Variants in STRN observed in about 807,000 individuals in gnomAD.
The protein encoded by STRN is striatin.
Under a neutral mutation model 96.3 loss-of-function variants are expected in STRN, and 53 were observed. The observed-to-expected ratio is 0.55, with a 90% CI of 0.44 to 0.69. The LOEUF is 0.69. STRN is among the 30% of genes least tolerant of loss of function. The probability of loss-of-function intolerance (pLI) is 0.00; values close to 1 mark genes in which losing one functional copy is unlikely to be tolerated. For synonymous variants in STRN, 428 were observed against 355.9 expected (o/e 1.20, Z -2.28); for missense variants, 987 against 963.9 (o/e 1.02, Z -0.32).
chr2:36,890,929 A>G (rs1243835205), intron 7 of STRN, among the ~76,000 whole-genome samples: 1 of 152,238 alleles, frequency 6.6e-6, no homozygotes, highest in Admixed American at 6.5e-5. Flanking sequence ...AAGCTCCAAC[A>G]TAAAAGCAAA....
Position 36,906,044 on chromosome 2 carries a change from T to G in STRN, c.413-426A>C, listed in dbSNP as rs1433095574. Among the ~76,000 whole-genome samples the G allele has an allele frequency of 2.0e-5, 3 of 152,240 alleles. No individual in the cohort carries two copies. The South Asian group carries it at 6.2e-4, about 31-fold the overall frequency. Reference sequence around the variant, plus strand: ...ACTGGATTATTTGTAACACAAAGGATAAATGCTTCAGGGGATGGATACCCC... The same window carrying G: ...ACTGGATTATTTGTAACACAAAGGAGAAATGCTTCAGGGGATGGATACCCC... On this transcript the variant is annotated intron_variant, in intron 3 of 17. Transcript: ENST00000263918.
At chr2:36,955,622 C>T (rs866572369) in intron 1 of STRN, among the ~76,000 whole-genome samples, 22 of 152,158 alleles carry the variant, frequency 1.4e-4, no homozygotes, top group Non-Finnish European at 1.6e-4. Context: ...TTGCCTCAAG[C>T]GTCCTTTCTG....
chr2:36,946,168 A>AT (rs1330945632), intron 1 of STRN, among the ~76,000 whole-genome samples: 3 of 150,288 alleles, frequency 2.0e-5, no homozygotes, highest in Admixed American at 6.6e-5. Flanking sequence ...TTTCCAGTTG[A>AT]TTTTTTCCAG....
intron 10 of STRN, among the ~76,000 whole-genome samples, chr2:36,873,337 G>C (rs1668815126): frequency 6.6e-6 from 1 of 152,162 alleles, no homozygotes; most frequent in Non-Finnish European, 1.5e-5. Context: ...CAATATAACT[G>C]AAAATGAGCA....
intron 10 of STRN, among the ~76,000 whole-genome samples, chr2:36,869,996 T>C (rs1418932260): frequency 2.6e-5 from 4 of 152,116 alleles, no homozygotes; most frequent in South Asian, 4.1e-4. Context: ...TTATATAAAA[T>C]AGATCTTACT....
In STRN at chr2:36,956,071, T is replaced by G. The variant is rs529476915; in HGVS notation, c.234+10159A>C. Among the ~76,000 whole-genome samples the G allele has an allele frequency of 3.3e-5, 5 of 152,290 alleles. No homozygotes were observed. In the East Asian group the frequency reaches 9.6e-4, roughly 29 times the overall value. ...AAAAAGATTTAGATTTTGAAGCATTTTGAATTTGGGGTTTTTGGATTAGGG... is the reference window on the plus strand; with the variant it reads ...AAAAAGATTTAGATTTTGAAGCATTGTGAATTTGGGGTTTTTGGATTAGGG... On this transcript the variant is annotated intron_variant, in intron 1 of 17. Transcript: ENST00000263918.
At chr2:36,884,573 G>C (rs1005111479) in intron 8 of STRN, among the ~76,000 whole-genome samples, 2 of 152,106 alleles carry the variant, frequency 1.3e-5, no homozygotes, top group Non-Finnish European at 2.9e-5. Context: ...TTTTATATAG[G>C]ATAGAGGCTG....
chr2:36,891,752 A>C (rs1392335009), intron 7 of STRN, among the ~76,000 whole-genome samples: 2 of 152,204 alleles, frequency 1.3e-5, no homozygotes, highest in African/African-American at 4.8e-5. Flanking sequence ...GTTTACAAAA[A>C]ATCTATTTTT....
intron 1 of STRN, among the ~76,000 whole-genome samples, chr2:36,961,079 G>A (rs1309231467): frequency 7.7e-6 from 1 of 130,134 alleles, no homozygotes; most frequent in Non-Finnish European, 1.6e-5. Flanking sequence ...TGAATTTTTT[G>A]TAGAGATGGG....
rs553351693 is a variant in STRN, at chr2:36,948,081, C to CTTTTTTTTTTT, written c.234+18138_234+18148dup. Among the ~76,000 whole-genome samples the CTTTTTTTTTTT allele has an allele frequency of 2.5e-4, 17 of 68,138 alleles. 3 individuals carry two copies. Among genetic ancestry groups the CTTTTTTTTTTT allele is most frequent in the African/African-American group, 6.3e-4 (10 of 15,886 alleles). The allele number at this position is 68,138 out of a possible 152,430, so 44.7% of individuals were successfully genotyped here. A position where few individuals can be genotyped will look rare whatever the true frequency, so the allele number is the denominator to read the frequency against. ...TCTCCTCTATAATTATCAGTGCACTCTTTTTTTTTTTTTTTTTTTTTTTTT... is the reference window on the plus strand; with the variant it reads ...TCTCCTCTATAATTATCAGTGCACTCTTTTTTTTTTTTTTTTTTTTTTTTTTTTTTTTTTTT... On this transcript the variant is annotated intron_variant, in intron 1 of 17. Transcript: ENST00000263918.
At chr2:36,885,349 T>C (rs1669192034) in intron 8 of STRN, among the ~76,000 whole-genome samples, 1 of 152,150 alleles carries the variant, frequency 6.6e-6, no homozygotes, top group Admixed American at 6.5e-5. Context: ...AATCTGGAAA[T>C]TATTTCTCAC....
At chr2:36,916,182 C>A in intron 2 of STRN, 31 bp from the exon 3 acceptor site, 6 of 1,564,142 alleles carry the variant, frequency 3.8e-6, no homozygotes, top group Non-Finnish European at 5.3e-6. Context: ...TACAGACCAT[C>A]TTAAAATATG....
chr2:36,956,573 A>C (rs1558669442), intron 1 of STRN, among the ~76,000 whole-genome samples: 1 of 152,238 alleles, frequency 6.6e-6, no homozygotes, highest in African/African-American at 2.4e-5. Flanking sequence ...TATAGCTGAC[A>C]TCAAGGAGAT....
intron 3 of STRN, among the ~76,000 whole-genome samples, chr2:36,910,493 G>T (rs1291516475): frequency 2.0e-5 from 3 of 152,160 alleles, no homozygotes; most frequent in Non-Finnish European, 2.9e-5. Flanking sequence ...CTATTATAAG[G>T]TTATTGTACT....
In STRN at chr2:36,946,969, C is replaced by T. The variant is rs560293254; in HGVS notation, c.234+19261G>A. On this transcript the variant is annotated intron_variant, in intron 1 of 17. Coordinates refer to ENST00000263918, the MANE Select transcript of STRN (RefSeq NM_003162.4). ...GGAGTGCAGTGGTGAGATTTCGGCT[C>T]ACTGCAACCTCCACCTCCCAGGTTC... 1.2e-3 allele frequency among the ~76,000 whole-genome samples: 187 copies of T among 151,934 alleles called. 4 individuals carry two copies. The highest frequency in any genetic ancestry group is 0.012 in the Admixed American group (185 of 15,268).
At chr2:36,965,655 G>A (rs1410684759) in intron 1 of STRN, among the ~76,000 whole-genome samples, 1 of 152,050 alleles carries the variant, frequency 6.6e-6, no homozygotes, top group Non-Finnish European at 1.5e-5. Flanking sequence ...CCGGGGGGTC[G>A]GAAGAAAGTG....
At chr2:36,933,428 A>C (rs926580803) in intron 1 of STRN, among the ~76,000 whole-genome samples, 2 of 152,218 alleles carry the variant, frequency 1.3e-5, no homozygotes, top group African/African-American at 4.8e-5. Context: ...TGTAGAAGAA[A>C]AGAGAGAATA....
At chr2:36,930,658 C>G (rs990360634) in intron 1 of STRN, among the ~76,000 whole-genome samples, 8 of 151,984 alleles carry the variant, frequency 5.3e-5, no homozygotes, top group Non-Finnish European at 8.8e-5. Flanking sequence ...CCGTTTGTAA[C>G]ACAGTTAGGA....
intron 10 of STRN, among the ~76,000 whole-genome samples, chr2:36,876,590 G>C (rs1668918989): frequency 6.6e-6 from 1 of 151,936 alleles, no homozygotes; most frequent in African/African-American, 2.4e-5. Flanking sequence ...TCCCCTGCAT[G>C]GTACCTGTGC....
Sources: allele counts gnomAD v4.1 joint callset (sites outside exome capture counted in the v4.1 genomes callset), GRCh38; gene constraint gnomAD v4.1.1; transcripts MANE v1.5; gene names NCBI Gene and HGNC (gene_info 2026-07-23, HGNC 2026-07-21).